DNAJA4: variants seen among roughly 807,000 people sequenced by gnomAD.
DNAJA4 encodes DnaJ heat shock protein family (Hsp40) member A4.
A neutral mutation model predicts 39.7 loss-of-function variants in DNAJA4; 32 were observed. That is an observed-to-expected ratio of 0.81 (90% confidence interval 0.61 to 1.08). The LOEUF (loss-of-function observed/expected upper bound fraction) is 1.08. Among genes scored for constraint, DNAJA4 ranks in the 50% least tolerant of loss-of-function variants. The pLI, the probability that DNAJA4 is intolerant of heterozygous loss-of-function variation, is 0.00. For synonymous variants in DNAJA4, 184 were observed against 182.4 expected (o/e 1.01, Z -0.07); for missense variants, 439 against 505.1 (o/e 0.87, Z 1.25).
chr15:78,277,282 C>T (rs1331120325), intron 5 of DNAJA4, among the ~76,000 whole-genome samples: 2 of 152,132 alleles, frequency 1.3e-5, no homozygotes, highest in East Asian at 1.9e-4. Flanking sequence ...CCTCAGCCTC[C>T]CGAGTAGCTG....
At chr15:78,264,310 C>G, upstream of DNAJA4, 2 of 1,392,814 alleles carry the variant, frequency 1.4e-6, no homozygotes, top group Non-Finnish European at 1.9e-6. Flanking sequence ...CTCCGGCCCC[C>G]GCCATGGCCC....
At chr15:78,276,848 T>TG (rs2049477983) in intron 5 of DNAJA4, among the ~76,000 whole-genome samples, 1 of 152,232 alleles carries the variant, frequency 6.6e-6, no homozygotes, top group Non-Finnish European at 1.5e-5. Flanking sequence ...GTGGGGTGAC[T>TG]GAGGCCTGGA....
Position 78,279,977 on chromosome 15 carries a change from C to T in DNAJA4, c.878-68C>T, listed in dbSNP as rs923370169. On this transcript the variant is annotated intron_variant, in intron 5 of 6. Transcript: ENST00000394852. This position sits in a 1 kb window ranked among gnomAD's most constrained non-coding sequence, Gnocchi z 4.5. ...CACTAGGGCCTGCCGCAGGCTCTCC[C>T]ATGAGGGAGAACGACCTCTGCAGGC... is the stretch of plus-strand genomic sequence containing the variant. The T allele has an allele frequency of 1.4e-5, 21 of 1,501,750 alleles. No homozygotes were observed. In the African/African-American group the frequency reaches 1.5e-4, roughly 11 times the overall value. The allele number at this position is 1,501,750 out of a possible 1,614,324, so 93.0% of individuals were successfully genotyped here.
At chr15:78,278,402 C>A in intron 5 of DNAJA4, 1 of 422,294 alleles carries the variant, frequency 2.4e-6, no homozygotes, top group Non-Finnish European at 4.8e-6. Flanking sequence ...GTGGTGTGAA[C>A]ACCATAGAAT....
chr15:78,265,373 A>G (rs2049092617), intron 1 of DNAJA4: 1 of 659,424 alleles, frequency 1.5e-6, no homozygotes, highest in Non-Finnish European at 2.7e-6. Flanking sequence ...ACCTTGGACA[A>G]ACGCCGTGCC....
At position 78,277,568 on chromosome 15, in the gene DNAJA4, A is replaced by G. The variant is rs114835373; in HGVS notation, c.877+1840A>G. Among the ~76,000 whole-genome samples, 1,472 of 152,304 alleles carry G rather than the reference A, an allele frequency of 9.7e-3. 31 individuals carry two copies. Among genetic ancestry groups the G allele is most frequent in the African/African-American group, 0.034 (1,399 of 41,552 alleles). On this transcript the variant is annotated intron_variant, in intron 5 of 6. Transcript: ENST00000394852. Reference sequence around the variant, plus strand: ...CTCCAGACCACTGGTTGTGAGCTCAACACCCTGGCATTGTGTCCAAGATGC... The same window carrying G: ...CTCCAGACCACTGGTTGTGAGCTCAGCACCCTGGCATTGTGTCCAAGATGC...
rs1283988848 is a variant in DNAJA4, at chr15:78,281,772, C to G, written c.*1312C>G. The stretch of plus-strand genomic sequence containing the variant: ...GGTTACATGGCACCTGAGAGTTTCA[C>G]TCAGACCAGGGATCTTCCTTAGGAG... On this transcript the variant is annotated 3_prime_UTR_variant, in exon 7 of 7. Coordinates refer to ENST00000394852, the MANE Select transcript of DNAJA4 (RefSeq NM_001130182.2). 1.3e-5 allele frequency: 2 copies of G among 152,210 alleles called. No individual in the cohort carries two copies. The highest frequency in any genetic ancestry group is 2.9e-5 in the Non-Finnish European group (2 of 68,034). The allele number at this position is 152,210 out of a possible 1,614,324, so 9.4% of individuals were successfully genotyped here.
upstream of DNAJA4, chr15:78,264,365 C>T (rs2049054899): frequency 6.9e-7 from 1 of 1,448,664 alleles, no homozygotes. Flanking sequence ...AGACGGGCAG[C>T]CAAAGGAGCA....
chr15:78,280,752 G>C lies in DNAJA4; in HGVS notation c.*292G>C. 3.6e-6 allele frequency: 1 copy of C among 280,304 alleles called. No homozygotes were observed. Among genetic ancestry groups the C allele is most frequent in the South Asian group, 6.2e-5 (1 of 16,106 alleles). 17.4% of individuals were successfully genotyped at this position (280,304 alleles called of 1,614,324 possible). Reference sequence around the variant, plus strand: ...ATGTCAGTGATTGCACCAATACTTTGTGCTTCTAGTGGCTTTGCCATAATT... The same window carrying C: ...ATGTCAGTGATTGCACCAATACTTTCTGCTTCTAGTGGCTTTGCCATAATT... On this transcript the variant is annotated 3_prime_UTR_variant, in exon 7 of 7. Coordinates refer to ENST00000394852, the MANE Select transcript of DNAJA4 (RefSeq NM_001130182.2).
intron 1 of DNAJA4, chr15:78,266,359 T>A: frequency 6.8e-7 from 1 of 1,472,616 alleles, no homozygotes; most frequent in Non-Finnish European, 9.4e-7. Context: ...CTTTTATTTT[T>A]AAAAAATTAG....
intron 1 of DNAJA4, chr15:78,265,369 G>A (rs1343222804): frequency 2.3e-5 from 15 of 657,038 alleles, no homozygotes; most frequent in Non-Finnish European, 2.8e-6. Context: ...TGGTACCTTG[G>A]ACAAACGCCG....
In DNAJA4 at chr15:78,280,062, G is replaced by T. The variant is rs766505940; in HGVS notation, c.895G>T (p.Gly299Trp). 1 of 1,614,198 alleles carries T rather than the reference G, an allele frequency of 6.2e-7. No homozygotes were observed. Among genetic ancestry groups the T allele is most frequent in the Non-Finnish European group, 8.5e-7 (1 of 1,180,032 alleles). ...TSKAGEVIKH[G>W]DLRCVRDEGM... ...TCTGGCAGGTGAGGTGATAAAGCACGGGGACCTGAGATGCGTGCGCGATGA... is the reference window on the plus strand; with the variant it reads ...TCTGGCAGGTGAGGTGATAAAGCACTGGGACCTGAGATGCGTGCGCGATGA... The change falls in exon 6 of 7, where the codon GGG becomes TGG. Residue 299 changes from glycine to tryptophan, a missense_variant. Transcript: ENST00000394852.
At chr15:78,278,850 T>TTTTA (rs869065716) in intron 5 of DNAJA4, among the ~76,000 whole-genome samples, 22 of 147,926 alleles carry the variant, frequency 1.5e-4, no homozygotes, top group African/African-American at 4.9e-4. Flanking sequence ...TTTTTTTTTT[T>TTTTA]AGTAGAGACG....
chr15:78,264,817 C>T lies in DNAJA4; in HGVS notation c.54C>T (p.Ser18=). 2 of 1,610,938 alleles carry T rather than the reference C, an allele frequency of 1.2e-6. No homozygotes were observed. The highest frequency in any genetic ancestry group is 1.1e-5 in the South Asian group (1 of 90,722). ...TCCTGGGCGTGAAGCCCAGCGCGTC[C>T]CCGGAGGAGATCAAGAAGGCCTATC... ...YDILGVKPSA[S]PEEIKKAYRK... Residue 18 remains serine, a synonymous_variant, in exon 1 of 7, where the codon TCC becomes TCT. Coordinates refer to ENST00000394852, the MANE Select transcript of DNAJA4 (RefSeq NM_001130182.2).
chr15:78,270,476 C>T lies in DNAJA4; in HGVS notation c.133-21C>T, dbSNP rs1290268845. The T allele has an allele frequency of 2.5e-6, 4 of 1,579,698 alleles. No homozygotes were observed. The South Asian group carries it at 3.4e-5, about 14-fold the overall frequency. ...ACAACTGAAACTTCTCTAAAAATCTCTCTCTCTCTCTCTTTTAAAGTTTAA... is the reference window on the plus strand; with the variant it reads ...ACAACTGAAACTTCTCTAAAAATCTTTCTCTCTCTCTCTTTTAAAGTTTAA... On this transcript the variant is annotated intron_variant, in intron 1 of 6. Transcript: ENST00000394852.
chr15:78,273,065 C>G (rs373501580), intron 2 of DNAJA4, 30 bp from the exon 3 acceptor site: 2 of 1,259,216 alleles, frequency 1.6e-6, no homozygotes, highest in Non-Finnish European at 2.3e-6. Context: ...TTTCATTCAA[C>G]GCCACTAATT....
At chr15:78,265,334 A>G in intron 1 of DNAJA4, 2 of 621,852 alleles carry the variant, frequency 3.2e-6, no homozygotes, top group Non-Finnish European at 5.7e-6. Flanking sequence ...CATAAACCCT[A>G]GGGATGAGTG....
intron 3 of DNAJA4, among the ~76,000 whole-genome samples, chr15:78,273,565 C>G (rs190403401): frequency 3.5e-4 from 54 of 152,288 alleles, no homozygotes; most frequent in Non-Finnish European, 5.4e-4. Flanking sequence ...CAGACTTTTT[C>G]TGTAAAGAGC....
upstream of DNAJA4, chr15:78,264,315 T>C: frequency 1.4e-6 from 2 of 1,397,530 alleles, no homozygotes; most frequent in Non-Finnish European, 1.9e-6. Context: ...GCCCCCGCCA[T>C]GGCCCGGGGC....
Sources: gnomAD v4.1 joint callset for allele counts (sites outside exome capture counted in the v4.1 genomes callset) on GRCh38, gnomAD v4.1.1 for gene constraint, Gnocchi (gnomAD v3.1) non-coding constraint, MANE v1.5 for transcripts, NCBI Gene and HGNC (gene_info 2026-07-23, HGNC 2026-07-21) for gene names.